Variants in SPINT2 observed in about 807,000 individuals in gnomAD.
The protein encoded by SPINT2 is serine peptidase inhibitor, Kunitz type 2.
A neutral mutation model predicts 30.1 loss-of-function variants in SPINT2; 18 were observed. The ratio of observed to expected loss-of-function variants is 0.60; its 90% CI spans 0.41 to 0.89. SPINT2 has a LOEUF of 0.89. Ranked by LOEUF, SPINT2 falls within the 40% of genes least tolerant of loss-of-function variation. The probability of loss-of-function intolerance (pLI) is 0.00; values close to 1 mark genes in which losing one functional copy is unlikely to be tolerated. For missense variants in SPINT2, 276 were observed against 334.3 expected (o/e 0.83, Z 1.36); for synonymous variants, 139 against 137.9 (o/e 1.01, Z -0.05).
intron 1 of SPINT2, among the ~76,000 whole-genome samples, chr19:38,282,999 G>T (rs1477806920): frequency 3.1e-5 from 4 of 130,472 alleles, no homozygotes; most frequent in African/African-American, 1.1e-4. Flanking sequence ...GTCAGGTTTT[G>T]TTTTGTTTTT....
chr19:38,291,504 T>G (rs529481428), intron 6 of SPINT2: 32 of 317,334 alleles, frequency 1.0e-4, no homozygotes, highest in Non-Finnish European at 1.8e-4. Flanking sequence ...TTTTACACCC[T>G]TGTGCATCTC....
At chr19:38,268,764 C>T (rs4803964) in intron 1 of SPINT2, among the ~76,000 whole-genome samples, 32,154 of 141,124 alleles carry the variant, frequency 0.23, 3,682 homozygotes, top group East Asian at 0.32. Flanking sequence ...CATGCGCGCG[C>T]GCGTGTGTGT....
chr19:38,278,987 A>C (rs549250250), intron 1 of SPINT2, among the ~76,000 whole-genome samples: 1 of 152,114 alleles, frequency 6.6e-6, no homozygotes, highest in African/African-American at 2.4e-5. Flanking sequence ...TAAAGTTTAC[A>C]TCATAGATGC....
intron 1 of SPINT2, among the ~76,000 whole-genome samples, chr19:38,276,511 G>A (rs1030818760): frequency 3.3e-5 from 5 of 151,796 alleles, no homozygotes; most frequent in African/African-American, 7.3e-5. Flanking sequence ...GTGTGGTGGC[G>A]GGCGCCTGTA....
intron 1 of SPINT2, among the ~76,000 whole-genome samples, chr19:38,269,028 C>G (rs1054017856): frequency 2.0e-5 from 3 of 152,072 alleles, no homozygotes; most frequent in Non-Finnish European, 4.4e-5. Flanking sequence ...GTGCCTGGCC[C>G]TGGGCATCAG....
At chr19:38,283,374 CA>C (rs1568342120) in intron 1 of SPINT2, among the ~76,000 whole-genome samples, 1 of 152,112 alleles carries the variant, frequency 6.6e-6, no homozygotes, top group Non-Finnish European at 1.5e-5. Flanking sequence ...ATAATGGGGA[CA>C]GGGGACAAAA....
chr19:38,283,685 G>GTA lies in SPINT2; in HGVS notation c.166_167dup (p.Asn57ThrfsTer24), dbSNP rs1968606914. On this transcript the variant is annotated frameshift_variant, in exon 2 of 7. Coordinates refer to ENST00000301244, the MANE Select transcript of SPINT2 (RefSeq NM_021102.4). LOFTEE classifies it high-confidence loss of function. ...GCCGGGCCTCCATGCCTAGGTGGTG[G>GTA]TACAATGTCACTGACGGATCCTGCC... 2 of 1,614,158 alleles carry GTA rather than the reference G, an allele frequency of 1.2e-6. No individual in the cohort carries two copies. Among genetic ancestry groups the GTA allele is most frequent in the Non-Finnish European group, 1.7e-6 (2 of 1,180,044 alleles).
chr19:38,267,293 TC>T lies in SPINT2; in HGVS notation c.106+2297del, dbSNP rs1230513257. On this transcript the variant is annotated intron_variant, in intron 1 of 6. Coordinates refer to ENST00000301244, the MANE Select transcript of SPINT2 (RefSeq NM_021102.4). ...TTTTGACTTTTTTTTCCTCGCTCCT[TC>T]CTGATTGCTTCTGTTTTCTCCGGAA... 3.9e-5 allele frequency among the ~76,000 whole-genome samples: 6 copies of T among 152,286 alleles called. No individual in the cohort carries two copies. In the East Asian group the frequency reaches 1.2e-3, roughly 29 times the overall value.
intron 1 of SPINT2, among the ~76,000 whole-genome samples, chr19:38,269,566 C>T (rs932279492): frequency 6.7e-6 from 1 of 150,242 alleles, no homozygotes; most frequent in African/African-American, 2.4e-5. Context: ...CCACCACACC[C>T]AGCTAATTTT....
intron 1 of SPINT2, among the ~76,000 whole-genome samples, chr19:38,272,822 C>A (rs567780456): frequency 6.6e-6 from 1 of 152,122 alleles, no homozygotes; most frequent in Admixed American, 6.5e-5. Context: ...TGGGTTCAAG[C>A]GATTCTCCTG....
At chr19:38,289,923 C>G in intron 4 of SPINT2, 196 bp from the exon 5 acceptor site, 1 of 649,760 alleles carries the variant, frequency 1.5e-6, no homozygotes, top group Non-Finnish European at 2.7e-6. Context: ...CTTCAAAGCT[C>G]CGAAGCCGTC....
intron 1 of SPINT2, among the ~76,000 whole-genome samples, chr19:38,273,465 C>T (rs1968479797): frequency 6.6e-6 from 1 of 152,222 alleles, no homozygotes; most frequent in Admixed American, 6.5e-5. Flanking sequence ...TCCCAGAGTG[C>T]TGGGCTTACA....
chr19:38,277,198 G>A (rs1404353397), intron 1 of SPINT2, among the ~76,000 whole-genome samples: 2 of 152,132 alleles, frequency 1.3e-5, no homozygotes, highest in African/African-American at 4.8e-5. Flanking sequence ...AGACACAGCT[G>A]CAATTATGCA....
At chr19:38,289,246 T>C (rs1163059370) in intron 4 of SPINT2, 55 bp downstream of exon 4, 3 of 1,510,728 alleles carry the variant, frequency 2.0e-6, no homozygotes, top group Admixed American at 1.7e-5. Context: ...CCCAGCGCTT[T>C]GGGAGGCTGA....
At chr19:38,282,569 G>A (rs1395812014) in intron 1 of SPINT2, among the ~76,000 whole-genome samples, 1 of 152,202 alleles carries the variant, frequency 6.6e-6, no homozygotes, top group Non-Finnish European at 1.5e-5. Context: ...AGAGCGTACC[G>A]ACCTTTTGCA....
At chr19:38,275,777 A>G (rs1968510632) in intron 1 of SPINT2, among the ~76,000 whole-genome samples, 1 of 145,980 alleles carries the variant, frequency 6.9e-6, no homozygotes, top group South Asian at 2.2e-4. Flanking sequence ...CTTGTTGCCC[A>G]GGCTGGAGTG....
chr19:38,282,470 CT>C (rs1968590780), intron 1 of SPINT2, among the ~76,000 whole-genome samples: 1 of 152,194 alleles, frequency 6.6e-6, no homozygotes, highest in South Asian at 2.1e-4. Context: ...AGGCTGTTTT[CT>C]TTTCAGGTCG....
At chr19:38,271,347 C>T (rs1968453483) in intron 1 of SPINT2, among the ~76,000 whole-genome samples, 1 of 151,334 alleles carries the variant, frequency 6.6e-6, no homozygotes, top group Non-Finnish European at 1.5e-5. Flanking sequence ...AAAAAATTAG[C>T]CTCGCGTGGT....
intron 1 of SPINT2, chr19:38,265,202 C>A: frequency 1.9e-6 from 1 of 537,838 alleles, no homozygotes; most frequent in Non-Finnish European, 3.3e-6. Flanking sequence ...GGCGGAGGAG[C>A]GAGGGTTAGG....
Sources: gnomAD v4.1 joint callset for allele counts (sites outside exome capture counted in the v4.1 genomes callset) on GRCh38, gnomAD v4.1.1 for gene constraint, MANE v1.5 for transcripts, NCBI Gene and HGNC (gene_info 2026-07-23, HGNC 2026-07-21) for gene names.